TMEM170A: variants seen among roughly 807,000 people sequenced by gnomAD.
The protein encoded by TMEM170A is transmembrane protein 170.
In TMEM170A, 18 loss-of-function variants were observed where a neutral mutation model predicts 12.8. That is an observed-to-expected ratio of 1.41 (90% CI 0.97 to 2.09). The LOEUF (loss-of-function observed/expected upper bound fraction) is 2.09. Among genes scored for constraint, TMEM170A ranks in the 30% most tolerant of loss-of-function variants. The probability of loss-of-function intolerance (pLI) is 0.00; values close to 1 mark genes in which losing one functional copy is unlikely to be tolerated. For synonymous variants in TMEM170A, 107 were observed against 76.2 expected (o/e 1.40, Z -2.11); for missense variants, 220 against 179.9 (o/e 1.22, Z -1.28).
chr16:75,463,951 G>A (rs911932364), intron 1 of TMEM170A, among the ~76,000 whole-genome samples: 1 of 152,260 alleles, frequency 6.6e-6, no homozygotes, highest in Admixed American at 6.5e-5. Flanking sequence ...CTCGGAGGGG[G>A]AGGATTTAGC....
At chr16:75,448,085 A>C (rs2151626304) in intron 2 of TMEM170A, among the ~76,000 whole-genome samples, 1 of 152,376 alleles carries the variant, frequency 6.6e-6, no homozygotes, top group Non-Finnish European at 1.5e-5. Context: ...TTTTGGTAAC[A>C]AATGAAAAAG....
intron 1 of TMEM170A, among the ~76,000 whole-genome samples, chr16:75,462,240 G>C (rs767517775): frequency 1.3e-5 from 2 of 152,042 alleles, no homozygotes; most frequent in Non-Finnish European, 2.9e-5. Flanking sequence ...TTTTTGTTGA[G>C]ACAAAGCCTC....
intron 1 of TMEM170A, among the ~76,000 whole-genome samples, chr16:75,460,726 T>G (rs2079888492): frequency 6.6e-6 from 1 of 152,184 alleles, no homozygotes; most frequent in African/African-American, 2.4e-5. Context: ...GGGGCTTTGC[T>G]TTGTTACTAT....
intron 1 of TMEM170A, chr16:75,458,294 T>C: frequency 6.6e-6 from 1 of 152,228 alleles, no homozygotes; most frequent in East Asian, 1.9e-4. Flanking sequence ...AGCATTGTGG[T>C]AGAATGGGCT....
At chr16:75,463,324 G>A (rs938757954) in intron 1 of TMEM170A, among the ~76,000 whole-genome samples, 1 of 151,662 alleles carries the variant, frequency 6.6e-6, no homozygotes, top group Non-Finnish European at 1.5e-5. Context: ...AGTGATCCTA[G>A]CACCTTCTGA....
At chr16:75,458,078 C>A (rs1439586781) in intron 1 of TMEM170A, among the ~76,000 whole-genome samples, 1 of 152,208 alleles carries the variant, frequency 6.6e-6, no homozygotes, top group Non-Finnish European at 1.5e-5. Flanking sequence ...TATCGATTGT[C>A]ATACAGTACT....
chr16:75,451,608 G>C, intron 2 of TMEM170A, 61 bp downstream of exon 2: 1 of 1,544,484 alleles, frequency 6.5e-7, no homozygotes, highest in Non-Finnish European at 8.9e-7. Context: ...TTCTAGAATA[G>C]GTCCTGAAAT....
intron 1 of TMEM170A, among the ~76,000 whole-genome samples, chr16:75,461,194 C>T (rs1028164264): frequency 2.0e-5 from 3 of 151,704 alleles, no homozygotes; most frequent in Non-Finnish European, 4.4e-5. Flanking sequence ...GCTGGAATTA[C>T]AGGCATGCAC....
chr16:75,451,268 G>C (rs1396630293), intron 2 of TMEM170A, among the ~76,000 whole-genome samples: 1 of 152,006 alleles, frequency 6.6e-6, no homozygotes, highest in African/African-American at 2.4e-5. Context: ...AAAAAAACTG[G>C]GCCAGGCACA....
At chr16:75,454,084 G>C (rs1010481690) in intron 1 of TMEM170A, among the ~76,000 whole-genome samples, 2 of 152,190 alleles carry the variant, frequency 1.3e-5, no homozygotes, top group African/African-American at 4.8e-5. Context: ...TCAGTGAAGA[G>C]CTTAGCTCAG....
chr16:75,463,907 G>C (rs1466050623), intron 1 of TMEM170A, among the ~76,000 whole-genome samples: 1 of 152,236 alleles, frequency 6.6e-6, no homozygotes, highest in Non-Finnish European at 1.5e-5. Context: ...GGTGGCACCA[G>C]GTCTGGGAAA....
intron 2 of TMEM170A, among the ~76,000 whole-genome samples, chr16:75,451,118 G>C (rs556359861): frequency 6.6e-6 from 1 of 152,136 alleles, no homozygotes; most frequent in Non-Finnish European, 1.5e-5. Flanking sequence ...TCCTCTTGCT[G>C]GTGGCCTCTC....
intron 1 of TMEM170A, 175 bp downstream of exon 1, chr16:75,464,293 C>G (rs753138338): frequency 2.0e-6 from 3 of 1,483,220 alleles, no homozygotes; most frequent in Admixed American, 2.3e-5. Context: ...CAGGGACCGC[C>G]GAAGAAGTGA....
At chr16:75,457,873 A>G (rs941842908) in intron 1 of TMEM170A, among the ~76,000 whole-genome samples, 2 of 152,172 alleles carry the variant, frequency 1.3e-5, no homozygotes, top group Non-Finnish European at 2.9e-5. Context: ...TAGCATCACT[A>G]AAGTCATTTC....
At chr16:75,464,118 G>A in intron 1 of TMEM170A, 2 of 1,184,548 alleles carry the variant, frequency 1.7e-6, no homozygotes, top group Non-Finnish European at 2.4e-6. Flanking sequence ...CAGGCAGGGC[G>A]GGGACCACAG....
chr16:75,451,897 C>T (rs554217061), intron 1 of TMEM170A, 58 bp from the exon 2 acceptor site: 3 of 1,469,414 alleles, frequency 2.0e-6, no homozygotes, highest in South Asian at 1.2e-5. Flanking sequence ...ACAATCATTG[C>T]AGAGGGTACT....
At chr16:75,455,208 T>A (rs1813567822) in intron 1 of TMEM170A, among the ~76,000 whole-genome samples, 1 of 151,908 alleles carries the variant, frequency 6.6e-6, no homozygotes, top group South Asian at 2.1e-4. Flanking sequence ...ATACAAAGAA[T>A]TAGCTGGGCA....
At chr16:75,451,363 T>A in intron 2 of TMEM170A, 1 of 469,606 alleles carries the variant, frequency 2.1e-6, no homozygotes, top group African/African-American at 2.0e-5. Flanking sequence ...CCGGGCAACA[T>A]GACGAAACCC....
At chr16:75,455,084 A>C (rs372397573) in intron 1 of TMEM170A, among the ~76,000 whole-genome samples, 5 of 152,298 alleles carry the variant, frequency 3.3e-5, no homozygotes, top group South Asian at 4.1e-4. Context: ...TGGGCTGGGC[A>C]CAGTGGCTCA....
Sources: gnomAD v4.1 joint callset for allele counts (sites outside exome capture counted in the v4.1 genomes callset) on GRCh38, gnomAD v4.1.1 for gene constraint, MANE v1.5 for transcripts, NCBI Gene and HGNC (gene_info 2026-07-23, HGNC 2026-07-21) for gene names.